Variants in ASB3 observed in about 807,000 individuals in gnomAD.
The protein encoded by ASB3 is ankyrin repeat and SOCS box protein 3.
Under a neutral mutation model 54.5 loss-of-function variants are expected in ASB3, and 41 were observed. The observed-to-expected ratio is 0.75, with a 90% CI of 0.59 to 0.98. The LOEUF (loss-of-function observed/expected upper bound fraction) is 0.98, where lower values mean the gene tolerates loss of function less well. ASB3 is among the 50% of genes least tolerant of loss of function. ASB3 has a pLI of 0.00. For missense variants in ASB3, 733 were observed against 620.0 expected (o/e 1.18, Z -1.94); for synonymous variants, 266 against 221.2 (o/e 1.20, Z -1.80).
chr2:53,678,717 T>TC (rs1668214158), intron 9 of ASB3, among the ~76,000 whole-genome samples: 1 of 152,136 alleles, frequency 6.6e-6, no homozygotes, highest in Non-Finnish European at 1.5e-5. Flanking sequence ...TCCTCGGGAA[T>TC]CCCCATTCTA....
At chr2:53,739,954 A>G (rs2103959545) in intron 3 of ASB3, among the ~76,000 whole-genome samples, 1 of 152,310 alleles carries the variant, frequency 6.6e-6, no homozygotes, top group African/African-American at 2.4e-5. Context: ...GATTATAGGC[A>G]TAAGCCACCA....
chr2:53,772,959 T>A (rs1413577491), intron 1 of ASB3, among the ~76,000 whole-genome samples: 1 of 152,178 alleles, frequency 6.6e-6, no homozygotes, highest in Non-Finnish European at 1.5e-5. Flanking sequence ...AATCCTCAGT[T>A]TCTTAAATAT....
intron 2 of ASB3, 25 bp downstream of exon 2, chr2:53,765,352 C>T (rs1042063780): frequency 6.2e-7 from 1 of 1,613,750 alleles, no homozygotes; most frequent in Non-Finnish European, 8.5e-7. Flanking sequence ...GTAGGCAAAG[C>T]CTCCATACCT....
intron 5 of ASB3, among the ~76,000 whole-genome samples, chr2:53,725,980 A>G (rs1226298605): frequency 6.6e-6 from 1 of 152,190 alleles, no homozygotes; most frequent in African/African-American, 2.4e-5. Flanking sequence ...AAAGTATCAC[A>G]AAGAATAAGG....
intron 8 of ASB3, among the ~76,000 whole-genome samples, chr2:53,695,119 G>T (rs2193682): frequency 6.6e-6 from 1 of 151,768 alleles, no homozygotes; most frequent in Non-Finnish European, 1.5e-5. Flanking sequence ...GAGGTATTAC[G>T]GAGCAACAAC....
At chr2:53,706,947 T>C (rs1669807520) in intron 7 of ASB3, among the ~76,000 whole-genome samples, 1 of 152,230 alleles carries the variant, frequency 6.6e-6, no homozygotes, top group Non-Finnish European at 1.5e-5. Flanking sequence ...TTAGGAACAC[T>C]GGGTTGTCCG....
chr2:53,718,290 G>T (rs1670510225), intron 5 of ASB3, among the ~76,000 whole-genome samples: 1 of 136,158 alleles, frequency 7.3e-6, no homozygotes, highest in Non-Finnish European at 1.6e-5. Flanking sequence ...AAAAACGTCA[G>T]ATCACATACA....
At chr2:53,739,244 G>A (rs527554360) in intron 3 of ASB3, among the ~76,000 whole-genome samples, 22 of 152,274 alleles carry the variant, frequency 1.4e-4, no homozygotes, top group Admixed American at 1.4e-3. Context: ...ACTAGAAGCA[G>A]CCTTTGACCC....
chr2:53,746,261 C>T (rs535344761), intron 3 of ASB3, among the ~76,000 whole-genome samples: 1 of 152,178 alleles, frequency 6.6e-6, no homozygotes, highest in African/African-American at 2.4e-5. Flanking sequence ...TGCCACTGCA[C>T]TCCAGCCTCG....
At chr2:53,696,775 T>C (rs934195423) in intron 8 of ASB3, among the ~76,000 whole-genome samples, 5 of 152,178 alleles carry the variant, frequency 3.3e-5, no homozygotes, top group South Asian at 2.1e-4. Context: ...ACTATTTACA[T>C]AGCATTTATA....
intron 1 of ASB3, among the ~76,000 whole-genome samples, chr2:53,769,863 A>G (rs1673772862): frequency 6.6e-6 from 1 of 152,224 alleles, no homozygotes; most frequent in Non-Finnish European, 1.5e-5. Context: ...AGCTAAAAAA[A>G]GGTGTCTTTC....
chr2:53,681,634 G>C (rs537009506), intron 9 of ASB3, among the ~76,000 whole-genome samples: 1 of 152,088 alleles, frequency 6.6e-6, no homozygotes, highest in Non-Finnish European at 1.5e-5. Context: ...CCCAATGTAT[G>C]TTCTTGGCAC....
intron 6 of ASB3, 146 bp from the exon 7 acceptor site, chr2:53,714,727 C>T (rs2103836518): frequency 1.3e-6 from 1 of 746,384 alleles, no homozygotes; most frequent in South Asian, 1.9e-5. Context: ...CTACCAACAA[C>T]ATTAAACTAT....
chr2:53,700,668 G>T, intron 7 of ASB3, 140 bp from the exon 8 acceptor site: 1 of 1,247,382 alleles, frequency 8.0e-7, no homozygotes. Context: ...ACATCTAGTG[G>T]ATTGAGATTA....
At chr2:53,695,491 T>C (rs1381811368) in intron 8 of ASB3, among the ~76,000 whole-genome samples, 1 of 152,150 alleles carries the variant, frequency 6.6e-6, no homozygotes, top group Non-Finnish European at 1.5e-5. Flanking sequence ...TTCTTTATTT[T>C]TTTTTTTAAC....
chr2:53,757,009 C>T (rs139849212), intron 2 of ASB3: 21 of 168,122 alleles, frequency 1.2e-4, no homozygotes, highest in African/African-American at 2.9e-4. Context: ...GTCAAGAACC[C>T]GAGGTCAGAG....
intron 7 of ASB3, among the ~76,000 whole-genome samples, chr2:53,710,708 T>C (rs1270643996): frequency 2.0e-5 from 3 of 152,240 alleles, no homozygotes; most frequent in African/African-American, 7.2e-5. Flanking sequence ...TTTTACCTTA[T>C]ACAGTGGTTC....
intron 5 of ASB3, among the ~76,000 whole-genome samples, chr2:53,727,040 G>A (rs1423975408): frequency 6.6e-6 from 1 of 152,160 alleles, no homozygotes; most frequent in Non-Finnish European, 1.5e-5. Flanking sequence ...TCCTCCGGAA[G>A]GTATGATGTA....
intron 5 of ASB3, among the ~76,000 whole-genome samples, chr2:53,721,046 A>AGG (rs1004865243): frequency 1.3e-5 from 2 of 150,880 alleles, no homozygotes; most frequent in Non-Finnish European, 3.0e-5. Flanking sequence ...TTGAACCAGG[A>AGG]GGGGGAGGTT....
Sources: allele counts gnomAD v4.1 joint callset (sites outside exome capture counted in the v4.1 genomes callset), GRCh38; gene constraint gnomAD v4.1.1; transcripts MANE v1.5; gene names NCBI Gene and HGNC (gene_info 2026-07-23, HGNC 2026-07-21).